CIP2A: variants seen among roughly 807,000 people sequenced by gnomAD.
CIP2A encodes the protein protein CIP2A.
In CIP2A, 103 loss-of-function variants were observed where a neutral mutation model predicts 110.9. The ratio of observed to expected loss-of-function variants is 0.93; its 90% CI spans 0.79 to 1.09. The LOEUF (loss-of-function observed/expected upper bound fraction) is 1.09, where lower values mean the gene tolerates loss of function less well. CIP2A is among the 50% of genes least tolerant of loss of function. The pLI is 0.00. For missense variants in CIP2A, 1,088 were observed against 1,038.4 expected (o/e 1.05, Z -0.66); for synonymous variants, 381 against 361.6 (o/e 1.05, Z -0.61).
intron 3 of CIP2A, 90 bp from the exon 4 acceptor site, chr3:108,582,292 C>T (rs1028405400): frequency 1.2e-5 from 6 of 510,584 alleles, no homozygotes; most frequent in African/African-American, 1.0e-4. Flanking sequence ...TGAGCATGTC[C>T]TTTTCCATTT....
chr3:108,580,843 G>C (rs1487484912), intron 5 of CIP2A, among the ~76,000 whole-genome samples: 7 of 152,088 alleles, frequency 4.6e-5, no homozygotes, highest in Admixed American at 2.0e-4. Context: ...GGCCGAGATG[G>C]TCTCCATCTC....
intron 8 of CIP2A, among the ~76,000 whole-genome samples, chr3:108,575,525 T>C (rs116322170): frequency 0.12 from 11,151 of 94,224 alleles, 1,061 homozygotes; most frequent in Non-Finnish European, 0.16. Flanking sequence ...CATACATATA[T>C]ACACGTATAT....
intron 8 of CIP2A, among the ~76,000 whole-genome samples, chr3:108,570,352 A>G (rs1938346707): frequency 6.6e-6 from 1 of 152,164 alleles, no homozygotes; most frequent in South Asian, 2.1e-4. Context: ...AAAAGAATCC[A>G]GTCCATTAGC....
At chr3:108,568,081 T>C (rs1250561489) in intron 10 of CIP2A, 74 bp downstream of exon 10, 5 of 1,079,042 alleles carry the variant, frequency 4.6e-6, no homozygotes, top group Non-Finnish European at 6.6e-6. Context: ...AAAGACAAAA[T>C]GCAGTGAATG....
Position 108,550,455 on chromosome 3 carries a change from T to C in CIP2A, c.*694A>G, listed in dbSNP as rs1353656205. 1 of 151,454 alleles carries C rather than the reference T, an allele frequency of 6.6e-6. No homozygotes were observed. Among genetic ancestry groups the C allele is most frequent in the Admixed American group, 6.6e-5 (1 of 15,228 alleles). 9.4% of individuals were successfully genotyped at this position (151,454 alleles called of 1,614,324 possible). A position where few individuals can be genotyped will look rare whatever the true frequency, so the allele number is the denominator to read the frequency against. On this transcript the variant is annotated 3_prime_UTR_variant, in exon 21 of 21. Coordinates refer to ENST00000295746, the MANE Select transcript of CIP2A (RefSeq NM_020890.3). ...AAAAAAGAGAAAAAAACACTAAATA[T>C]ACCTTACAAATAATTCTACAAGTTC...
chr3:108,583,188 G>T, intron 2 of CIP2A, 105 bp from the exon 3 acceptor site: 1 of 506,008 alleles, frequency 2.0e-6, no homozygotes. Flanking sequence ...AAAAAGGTAT[G>T]ATATGGCTAT....
Position 108,581,211 on chromosome 3 carries a change from AC to A in CIP2A, c.549+203del, listed in dbSNP as rs1254992462. On this transcript the variant is annotated intron_variant, in intron 5 of 20. Transcript: ENST00000295746. ...ATAAGTGTTTGCATTAACCCTTAAC[AC>A]ACAGTCTTCAATACAACATACACGA... Among the ~76,000 whole-genome samples the A allele has an allele frequency of 9.8e-5, 15 of 152,360 alleles. No individual in the cohort carries two copies. In the East Asian group the frequency reaches 2.9e-3, roughly 29 times the overall value.
At chr3:108,584,992 T>C in intron 2 of CIP2A, 73 bp downstream of exon 2, 1 of 1,364,308 alleles carries the variant, frequency 7.3e-7, no homozygotes, top group East Asian at 2.3e-5. Flanking sequence ...AGAGATTCTA[T>C]AACTAAGCCT....
intron 5 of CIP2A, 107 bp downstream of exon 5, chr3:108,581,308 C>A (rs1207551248): frequency 1.3e-6 from 1 of 771,416 alleles, no homozygotes; most frequent in African/African-American, 1.8e-5. Context: ...CGATAAGACA[C>A]AGAATCCTTG....
chr3:108,558,417 T>G (rs1488732765), intron 16 of CIP2A, among the ~76,000 whole-genome samples: 2 of 152,136 alleles, frequency 1.3e-5, no homozygotes, highest in East Asian at 3.9e-4. Context: ...CATTTGTATC[T>G]GCTGGGAATT....
Position 108,560,698 on chromosome 3 carries a change from G to A in CIP2A, c.1778C>T (p.Pro593Leu). 1 of 1,610,482 alleles carries A rather than the reference G, an allele frequency of 6.2e-7. No homozygotes were observed. Among genetic ancestry groups the A allele is most frequent in the Non-Finnish European group, 8.5e-7 (1 of 1,178,606 alleles). ...CLTPHLKDGV[P>L]GLNIEELIEK... is the part of the protein sequence containing the mutation. Reference sequence around the variant, plus strand: ...TATTAATTCTTCAATATTCAATCCAGGAACACCATCTTTCAAATGAGGAGT... The same window carrying A: ...TATTAATTCTTCAATATTCAATCCAAGAACACCATCTTTCAAATGAGGAGT... The change falls in exon 14 of 21, where the codon CCT becomes CTT. Residue 593 changes from proline to leucine, a missense_variant. By Grantham distance (98) the Pro-to-Leu change is moderately conservative. Transcript: ENST00000295746.
chr3:108,564,137 G>A (rs1309784778), intron 12 of CIP2A, among the ~76,000 whole-genome samples: 1 of 151,940 alleles, frequency 6.6e-6, no homozygotes. Context: ...CAGTGTCACA[G>A]AACTGTGATA....
chr3:108,573,034 C>T (rs115509309), intron 8 of CIP2A, among the ~76,000 whole-genome samples: 2,014 of 151,932 alleles, frequency 0.013, 45 homozygotes, highest in African/African-American at 0.046. Flanking sequence ...TTATCAAATG[C>T]TATTCCACCT....
At chr3:108,562,074 T>TA (rs1352492604) in intron 13 of CIP2A, among the ~76,000 whole-genome samples, 1 of 152,132 alleles carries the variant, frequency 6.6e-6, no homozygotes, top group Non-Finnish European at 1.5e-5. Flanking sequence ...TTGTTGCTGT[T>TA]AAAAAAATAT....
intron 18 of CIP2A, among the ~76,000 whole-genome samples, chr3:108,554,139 A>G (rs1209533328): frequency 2.0e-5 from 3 of 151,818 alleles, no homozygotes; most frequent in Admixed American, 6.6e-5. Context: ...CATGCGCTCC[A>G]CCCACCTCAG....
chr3:108,569,805 T>C (rs1359646257), intron 8 of CIP2A, among the ~76,000 whole-genome samples, 198 bp from the exon 9 acceptor site: 1 of 152,052 alleles, frequency 6.6e-6, no homozygotes, highest in Non-Finnish European at 1.5e-5. Flanking sequence ...TTAATGGTGG[T>C]TACTCCTGAT....
rs78278107 is a variant in CIP2A, at chr3:108,585,227, T to C, written c.103-15A>G. The C allele has an allele frequency of 4.4e-3, 7,021 of 1,588,240 alleles. 179 individuals are homozygous for C. The African/African-American group carries it at 0.065, about 15-fold the overall frequency. ...CCAGAAATTACCTATAAAATAGTAATCAAAATGTGTTGGTTAAGCGATGGC... is the reference window on the plus strand; with the variant it reads ...CCAGAAATTACCTATAAAATAGTAACCAAAATGTGTTGGTTAAGCGATGGC... On this transcript the variant is annotated splice_polypyrimidine_tract_variant and intron_variant, in intron 1 of 20. Coordinates refer to ENST00000295746, the MANE Select transcript of CIP2A (RefSeq NM_020890.3).
chr3:108,551,337 G>T lies in CIP2A; in HGVS notation c.2548-18C>A, dbSNP rs772457990. Reference sequence around the variant, plus strand: ...GAGGAAGCCTAAGGAATTGGGGTTGGGGGAGGAGGAAGAATTGAGAAGAAA... The same window carrying T: ...GAGGAAGCCTAAGGAATTGGGGTTGTGGGAGGAGGAAGAATTGAGAAGAAA... On this transcript the variant is annotated intron_variant, in intron 20 of 20. Coordinates refer to ENST00000295746, the MANE Select transcript of CIP2A (RefSeq NM_020890.3). The T allele has an allele frequency of 9.6e-6, 15 of 1,569,718 alleles. No homozygotes were observed. Among genetic ancestry groups the T allele is most frequent in the Non-Finnish European group, 1.3e-5 (15 of 1,156,774 alleles).
intron 4 of CIP2A, 83 bp from the exon 5 acceptor site, chr3:108,581,594 ATAGTT>A: frequency 1.3e-6 from 1 of 796,124 alleles, no homozygotes; most frequent in Middle Eastern, 3.3e-4. Flanking sequence ...TCAAAATGAT[ATAGTT>A]AAGTTTATAC....
Sources: allele counts gnomAD v4.1 joint callset (sites outside exome capture counted in the v4.1 genomes callset), GRCh38; gene constraint gnomAD v4.1.1; transcripts MANE v1.5; gene names NCBI Gene and HGNC (gene_info 2026-07-23, HGNC 2026-07-21).